Variants in SEMA3C observed in about 807,000 individuals in gnomAD.
SEMA3C encodes semaphorin-3C.
In SEMA3C, 47 loss-of-function variants were observed where a neutral mutation model predicts 89.4. That is an observed-to-expected ratio of 0.53 (90% CI 0.42 to 0.67). The LOEUF is 0.67. SEMA3C is among the 30% of genes least tolerant of loss of function. The probability of loss-of-function intolerance (pLI) is 0.00; values close to 1 mark genes in which losing one functional copy is unlikely to be tolerated. For synonymous variants in SEMA3C, 310 were observed against 320.2 expected (o/e 0.97, Z 0.34); for missense variants, 839 against 929.1 (o/e 0.90, Z 1.26).
intron 10 of SEMA3C, among the ~76,000 whole-genome samples, chr7:80,800,046 G>C (rs768894155): frequency 6.1e-4 from 91 of 149,770 alleles, no homozygotes; most frequent in Non-Finnish European, 1.1e-3. Context: ...CCAGCTACTT[G>C]GGAGGCTGAG....
At chr7:80,904,696 A>T (rs992405536) in intron 2 of SEMA3C, among the ~76,000 whole-genome samples, 3 of 152,170 alleles carry the variant, frequency 2.0e-5, no homozygotes, top group Non-Finnish European at 2.9e-5. Flanking sequence ...ATGTTGTGTA[A>T]CAGAAACTGC....
intron 2 of SEMA3C, among the ~76,000 whole-genome samples, chr7:80,874,806 T>C (rs567457424): frequency 6.6e-5 from 10 of 152,074 alleles, no homozygotes; most frequent in South Asian, 4.2e-4. Flanking sequence ...AGTTTCTTCA[T>C]CTGTAAAATG....
chr7:80,749,050 CGA>C, intron 16 of SEMA3C, 22 bp from the exon 17 acceptor site: 1 of 1,577,296 alleles, frequency 6.3e-7, no homozygotes, highest in Non-Finnish European at 8.6e-7. Flanking sequence ...AAATAAAAGG[CGA>C]GAGAGAAAGA....
intron 16 of SEMA3C, among the ~76,000 whole-genome samples, chr7:80,749,361 C>T (rs6966341): frequency 0.48 from 73,144 of 151,992 alleles, 18,320 homozygotes; most frequent in East Asian, 0.65. Context: ...ATTTTCTCAG[C>T]TTTTCACAGC....
intron 4 of SEMA3C, among the ~76,000 whole-genome samples, chr7:80,823,974 G>A (rs952671895): frequency 5.9e-5 from 9 of 152,018 alleles, no homozygotes; most frequent in South Asian, 2.1e-4. Flanking sequence ...CAGAAAATCC[G>A]ACCATGAAAA....
chr7:80,905,599 G>A (rs1444066299), intron 2 of SEMA3C, among the ~76,000 whole-genome samples: 3 of 152,062 alleles, frequency 2.0e-5, no homozygotes, highest in African/African-American at 7.2e-5. Flanking sequence ...GCTCATCCCG[G>A]GCATTCCAGC....
At chr7:80,895,231 A>G (rs996672056) in intron 2 of SEMA3C, among the ~76,000 whole-genome samples, 1 of 152,194 alleles carries the variant, frequency 6.6e-6, no homozygotes, top group Non-Finnish European at 1.5e-5. Context: ...AAAGTAACAA[A>G]CCAAGGAGTA....
intron 2 of SEMA3C, among the ~76,000 whole-genome samples, chr7:80,868,089 A>G (rs974788125): frequency 5.9e-5 from 9 of 152,164 alleles, no homozygotes; most frequent in African/African-American, 2.2e-4. Context: ...AATGTAGATC[A>G]AGCTACACAT....
At chr7:80,844,440 A>G (rs1790342132) in intron 2 of SEMA3C, among the ~76,000 whole-genome samples, 1 of 152,152 alleles carries the variant, frequency 6.6e-6, no homozygotes, top group Admixed American at 6.5e-5. Context: ...GTGGGCCCTG[A>G]GCTTGACACT....
chr7:80,804,840 C>T (rs1789299120), intron 7 of SEMA3C, among the ~76,000 whole-genome samples: 1 of 152,126 alleles, frequency 6.6e-6, no homozygotes, highest in African/African-American at 2.4e-5. Flanking sequence ...CTTGTGCTGG[C>T]CTATCAGCGA....
At chr7:80,788,941 C>T (rs1260326853) in intron 12 of SEMA3C, among the ~76,000 whole-genome samples, 1 of 151,998 alleles carries the variant, frequency 6.6e-6, no homozygotes, top group African/African-American at 2.4e-5. Context: ...TCCATTGAGA[C>T]AAGAAGAAGT....
chr7:80,807,028 A>G (rs1789357275), intron 6 of SEMA3C, among the ~76,000 whole-genome samples: 1 of 151,904 alleles, frequency 6.6e-6, no homozygotes, highest in African/African-American at 2.4e-5. Flanking sequence ...TTCTAGGCCC[A>G]GGGAAACAGA....
chr7:80,838,876 T>C (rs759258990), intron 2 of SEMA3C, among the ~76,000 whole-genome samples: 4 of 152,206 alleles, frequency 2.6e-5, no homozygotes, highest in Non-Finnish European at 4.4e-5. Context: ...TGACACGTGA[T>C]GATTACAACT....
chr7:80,783,936 C>G (rs1348092129), intron 12 of SEMA3C, among the ~76,000 whole-genome samples: 4 of 152,088 alleles, frequency 2.6e-5, no homozygotes, highest in African/African-American at 9.7e-5. Flanking sequence ...TGTATTGACC[C>G]TACACTAAAA....
chr7:80,838,101 T>A (rs1328567718), intron 2 of SEMA3C, among the ~76,000 whole-genome samples: 1 of 152,110 alleles, frequency 6.6e-6, no homozygotes, highest in Non-Finnish European at 1.5e-5. Context: ...TTTCAGAAAA[T>A]CATGGTTTAC....
intron 2 of SEMA3C, among the ~76,000 whole-genome samples, chr7:80,861,308 T>C (rs1790765606): frequency 6.6e-6 from 1 of 152,182 alleles, no homozygotes; most frequent in South Asian, 2.1e-4. Context: ...AAACTTACTA[T>C]ATATATTACA....
Position 80,834,930 on chromosome 7 carries a change from A to G in SEMA3C, c.104-6185T>C, listed in dbSNP as rs772399644. On this transcript the variant is annotated intron_variant, in intron 2 of 17. Coordinates refer to ENST00000265361, the MANE Select transcript of SEMA3C (RefSeq NM_006379.5). ...TTAAAATGTGTATTATTTTTACTGT[A>G]GTATTGTTATTTTTTATTTTTTTCT... 2.2e-4 allele frequency among the ~76,000 whole-genome samples: 34 copies of G among 152,132 alleles called. 1 individual carries two copies. The highest frequency in any genetic ancestry group is 4.4e-4 in the Non-Finnish European group (30 of 68,014).
At chr7:80,846,505 C>G (rs1790393930) in intron 2 of SEMA3C, among the ~76,000 whole-genome samples, 1 of 152,120 alleles carries the variant, frequency 6.6e-6, no homozygotes, top group Admixed American at 6.6e-5. Context: ...TACGGGCACA[C>G]AACACCATGC....
At position 80,743,408 on chromosome 7, in the gene SEMA3C, C is replaced by T. The variant is rs549833283; in HGVS notation, c.*1486G>A. 1 of 151,598 alleles carries T rather than the reference C, an allele frequency of 6.6e-6. No homozygotes were observed. Among genetic ancestry groups the T allele is most frequent in the Non-Finnish European group, 1.5e-5 (1 of 67,762 alleles). 9.4% of individuals were successfully genotyped at this position (151,598 alleles called of 1,614,324 possible). A position where few individuals can be genotyped will look rare whatever the true frequency, so the allele number is the denominator to read the frequency against. On this transcript the variant is annotated 3_prime_UTR_variant, in exon 18 of 18. Coordinates refer to ENST00000265361, the MANE Select transcript of SEMA3C (RefSeq NM_006379.5). The stretch of plus-strand genomic sequence containing the variant: ...TTTTAGACTGCAATACTTAAAAAGG[C>T]CATAATCTACTTTAATTACCTTCAT...
Sources: gnomAD v4.1 joint callset for allele counts (sites outside exome capture counted in the v4.1 genomes callset) on GRCh38, gnomAD v4.1.1 for gene constraint, MANE v1.5 for transcripts, NCBI Gene and HGNC (gene_info 2026-07-23, HGNC 2026-07-21) for gene names.